Variants in KCTD8 observed in about 807,000 individuals in gnomAD.
The protein encoded by KCTD8 is potassium channel tetramerization domain containing 8.
A neutral mutation model predicts 31.5 loss-of-function variants in KCTD8; 27 were observed. The ratio of observed to expected loss-of-function variants is 0.86; its 90% confidence interval spans 0.63 to 1.18. The LOEUF is 1.18. Among genes scored for constraint, KCTD8 ranks in the 50% most tolerant of loss-of-function variants. The pLI is 0.00. For synonymous variants in KCTD8, 290 were observed against 280.0 expected, an observed-to-expected ratio of 1.04 and a Z score of -0.36; for missense variants, 658 against 647.7, an observed-to-expected ratio of 1.02 and a Z score of -0.17.
chr4:44,186,307 G>C (rs1170782321), intron 1 of KCTD8, among the ~76,000 whole-genome samples: 15 of 152,140 alleles, frequency 9.9e-5, no homozygotes, highest in Admixed American at 9.8e-4. Context: ...CCTTACTCCA[G>C]GCAAAAAACA....
intron 1 of KCTD8, among the ~76,000 whole-genome samples, chr4:44,223,714 ATG>A (rs1293019744): frequency 6.6e-6 from 1 of 152,158 alleles, no homozygotes; most frequent in East Asian, 1.9e-4. Context: ...ACTTCTAAAC[ATG>A]TGTCAAATTC....
At chr4:44,370,705 A>T (rs1284295963) in intron 1 of KCTD8, among the ~76,000 whole-genome samples, 1 of 152,184 alleles carries the variant, frequency 6.6e-6, no homozygotes, top group African/African-American at 2.4e-5. Flanking sequence ...CCAGTACTAG[A>T]TTTCAACTTA....
intron 1 of KCTD8, among the ~76,000 whole-genome samples, chr4:44,292,671 A>G (rs531514404): frequency 6.6e-6 from 1 of 151,918 alleles, no homozygotes; most frequent in Non-Finnish European, 1.5e-5. Context: ...TGGTGGTGCA[A>G]TTTTTTTTCT....
Position 44,363,491 on chromosome 4 carries a change from G to A in KCTD8, c.961+84072C>T, listed in dbSNP as rs1719552676. Among the ~76,000 whole-genome samples, 4 of 151,786 alleles carry A rather than the reference G, an allele frequency of 2.6e-5. No individual in the cohort carries two copies. In the South Asian group the frequency reaches 8.4e-4, roughly 32 times the overall value. ...CAACAAAGACAAGGATCACAGACTT[G>A]AGTAAAATGAGATGCTGTAAGAAGG... On this transcript the variant is annotated intron_variant, in intron 1 of 1. Transcript: ENST00000360029.
chr4:44,197,862 G>C (rs1202044252), intron 1 of KCTD8, among the ~76,000 whole-genome samples: 1 of 152,142 alleles, frequency 6.6e-6, no homozygotes, highest in Non-Finnish European at 1.5e-5. Flanking sequence ...GGATGTCAAG[G>C]AAGCTCATCA....
At chr4:44,366,829 C>CTG (rs1719651957) in intron 1 of KCTD8, among the ~76,000 whole-genome samples, 1 of 152,146 alleles carries the variant, frequency 6.6e-6, no homozygotes, top group South Asian at 2.1e-4. Flanking sequence ...CACCGTATGG[C>CTG]AGGTGGGATC....
Position 44,199,441 on chromosome 4 carries a change from T to C in KCTD8, c.962-24191A>G, listed in dbSNP as rs185150579. Among the ~76,000 whole-genome samples, 905 of 152,124 alleles carry C rather than the reference T, an allele frequency of 5.9e-3. 7 individuals are homozygous for C. The highest frequency in any genetic ancestry group is 9.2e-3 in the Non-Finnish European group (626 of 67,938). On this transcript the variant is annotated intron_variant, in intron 1 of 1. Transcript: ENST00000360029. Reference sequence around the variant, plus strand: ...CTGAGTAAATTCAAAAAAACTGAAATCATACCAAGCATACCCTTGGACCAC... The same window carrying C: ...CTGAGTAAATTCAAAAAAACTGAAACCATACCAAGCATACCCTTGGACCAC...
chr4:44,385,576 T>C (rs1720189676), intron 1 of KCTD8, among the ~76,000 whole-genome samples: 1 of 151,654 alleles, frequency 6.6e-6, no homozygotes, highest in African/African-American at 2.4e-5. Context: ...GAACTAAATT[T>C]AAAAGCTAAA....
At chr4:44,369,932 C>T (rs1274999365) in intron 1 of KCTD8, among the ~76,000 whole-genome samples, 1 of 152,134 alleles carries the variant, frequency 6.6e-6, no homozygotes. Flanking sequence ...TACTTATTGG[C>T]TAGAATTTTA....
intron 1 of KCTD8, among the ~76,000 whole-genome samples, chr4:44,210,185 T>C (rs1714440612): frequency 6.6e-6 from 1 of 152,222 alleles, no homozygotes; most frequent in African/African-American, 2.4e-5. Flanking sequence ...TGAAAGTGTA[T>C]TCTCTTTCTC....
chr4:44,239,033 A>G (rs1057249950), intron 1 of KCTD8, among the ~76,000 whole-genome samples: 1 of 152,188 alleles, frequency 6.6e-6, no homozygotes, highest in Non-Finnish European at 1.5e-5. Flanking sequence ...AAATTCTACA[A>G]ATTGCTAGTC....
intron 1 of KCTD8, among the ~76,000 whole-genome samples, chr4:44,195,067 G>A (rs552489646): frequency 2.6e-5 from 4 of 151,258 alleles, no homozygotes; most frequent in Admixed American, 2.0e-4. Context: ...TAGTACAGAC[G>A]GGGTTTCACC....
At chr4:44,356,056 T>A (rs982657834) in intron 1 of KCTD8, among the ~76,000 whole-genome samples, 2 of 152,190 alleles carry the variant, frequency 1.3e-5, no homozygotes, top group African/African-American at 4.8e-5. Context: ...ATACATATAC[T>A]ACATATAACT....
At chr4:44,324,056 A>C in intron 1 of KCTD8, among the ~76,000 whole-genome samples, 1 of 134,994 alleles carries the variant, frequency 7.4e-6, no homozygotes, top group African/African-American at 2.9e-5. Flanking sequence ...AAAAAAAAAA[A>C]ACAAAACAAA....
Position 44,448,356 on chromosome 4 carries a change from C to T in KCTD8, c.168G>A (p.Val56=). 2 of 1,592,280 alleles carry T rather than the reference C, an allele frequency of 1.3e-6. No homozygotes were observed. Among genetic ancestry groups the T allele is most frequent in the South Asian group, 1.1e-5 (1 of 88,988 alleles). The change falls in exon 1 of 2, where the codon GTG becomes GTA. Residue 56 remains valine (V), a synonymous_variant. Transcript: ENST00000360029. This position sits in a 1 kb window ranked among gnomAD's most constrained non-coding sequence, Gnocchi z 4.1. ...VELNVGGQVY[V]TKHSTLLSVP... ...CGCTGAGCAGCGTCGAGTGCTTGGT[C>T]ACATAAACCTGGCCGCCTACGTTCA...
chr4:44,306,918 G>C (rs1308194564), intron 1 of KCTD8, among the ~76,000 whole-genome samples: 6 of 151,970 alleles, frequency 3.9e-5, no homozygotes, highest in Admixed American at 3.9e-4. Flanking sequence ...TTGAAGTCAA[G>C]CATCAGAATG....
intron 1 of KCTD8, among the ~76,000 whole-genome samples, chr4:44,189,152 C>G (rs1330337021): frequency 6.6e-6 from 1 of 152,134 alleles, no homozygotes; most frequent in Non-Finnish European, 1.5e-5. Context: ...GAATTATCTT[C>G]CTGTTTCTTT....
At chr4:44,274,211 T>G (rs1716686772) in intron 1 of KCTD8, among the ~76,000 whole-genome samples, 1 of 151,854 alleles carries the variant, frequency 6.6e-6, no homozygotes, top group African/African-American at 2.4e-5. Context: ...TTGGAATAAT[T>G]TAGGGAGATT....
chr4:44,260,974 A>G (rs1716144138), intron 1 of KCTD8, among the ~76,000 whole-genome samples: 2 of 152,034 alleles, frequency 1.3e-5, no homozygotes, highest in African/African-American at 4.8e-5. Flanking sequence ...GATGTAAAAG[A>G]TGAAAGTAAC....
Sources: gnomAD v4.1 joint callset for allele counts (sites outside exome capture counted in the v4.1 genomes callset) on GRCh38, gnomAD v4.1.1 for gene constraint, Gnocchi (gnomAD v3.1) non-coding constraint, MANE v1.5 for transcripts, NCBI Gene and HGNC (gene_info 2026-07-23, HGNC 2026-07-21) for gene names.